LAMB3: variants seen among roughly 807,000 people sequenced by gnomAD.
The protein encoded by LAMB3 is laminin subunit beta 3.
In LAMB3, 104 loss-of-function variants were observed where a neutral mutation model predicts 140.3. The ratio of observed to expected loss-of-function variants is 0.74; its 90% confidence interval spans 0.63 to 0.87. The LOEUF (loss-of-function observed/expected upper bound fraction) is 0.87. Among genes scored for constraint, LAMB3 ranks in the 40% least tolerant of loss-of-function variants. LAMB3 has a pLI of 0.00. For missense variants in LAMB3, 1,531 were observed against 1,575.2 expected (o/e 0.97, Z 0.47); for synonymous variants, 592 against 602.9 (o/e 0.98, Z 0.26).
intron 14 of LAMB3, among the ~76,000 whole-genome samples, chr1:209,624,897 A>AGGAAGGAG (rs1666365115): frequency 1.4e-5 from 2 of 143,104 alleles, no homozygotes; most frequent in South Asian, 2.4e-4. Flanking sequence ...GAAGGAAGGA[A>AGGAAGGAG]GGAAGGAAGG....
At chr1:209,647,088 G>T (rs935041861) in intron 3 of LAMB3, among the ~76,000 whole-genome samples, 5 of 152,268 alleles carry the variant, frequency 3.3e-5, no homozygotes, top group African/African-American at 1.2e-4. Flanking sequence ...CAAAGCAGAT[G>T]AGCCCAGAAG....
intron 17 of LAMB3, 72 bp downstream of exon 17, chr1:209,622,910 T>A: frequency 6.4e-7 from 1 of 1,558,394 alleles, no homozygotes; most frequent in Non-Finnish European, 8.8e-7. Flanking sequence ...AAATGGGAAC[T>A]CTGACTTGCC....
chr1:209,637,979 C>G lies in LAMB3; in HGVS notation c.301G>C (p.Val101Leu). The change falls in exon 5 of 23, where the codon GTG becomes CTG. Residue 101 changes from valine to leucine, a missense_variant and splice_region_variant. Transcript: ENST00000356082. ...PMRWWQSQNDVNPVSLQLDLD... is the reference protein window; with the variant it reads ...PMRWWQSQNDLNPVSLQLDLD... Reference sequence around the variant, plus strand: ...TCCAGCTGCAGAGAGACAGGGTTCACATCTGGAAGGACAAAAAATAGAAAC... The same window carrying G: ...TCCAGCTGCAGAGAGACAGGGTTCAGATCTGGAAGGACAAAAAATAGAAAC... 1.2e-6 allele frequency: 2 copies of G among 1,612,372 alleles called. No individual in the cohort carries two copies. Among genetic ancestry groups the G allele is most frequent in the Non-Finnish European group, 1.7e-6 (2 of 1,179,196 alleles).
At chr1:209,617,870 T>C in intron 20 of LAMB3, 37 bp downstream of exon 20, 1 of 1,613,788 alleles carries the variant, frequency 6.2e-7, no homozygotes, top group Non-Finnish European at 8.5e-7. Context: ...TTCCTGTTTA[T>C]GCCCAAATAT....
intron 19 of LAMB3, 73 bp from the exon 20 acceptor site, chr1:209,618,121 C>T: frequency 2.5e-6 from 4 of 1,577,088 alleles, no homozygotes; most frequent in Non-Finnish European, 3.5e-6. Context: ...GTTCGACTCA[C>T]ACACCAGTCC....
At position 209,618,534 on chromosome 1, in the gene LAMB3, G is replaced by C. The variant is rs146443318; in HGVS notation, c.2827C>G (p.Pro943Ala). ...NEIQAIAARL[P>A]NVDLVLSQTK... ...TGGGACAGCACCAAGTCCACGTTGG[G>C]GAGCCTGGCTGCAATGGCCTGGATC... The change falls in exon 19 of 23, where the codon CCC (proline) becomes GCC (alanine). Residue 943 changes from proline (P) to alanine (A), a missense_variant. Transcript: ENST00000356082. 1 of 1,614,130 alleles carries C rather than the reference G, an allele frequency of 6.2e-7. No homozygotes were observed. Among genetic ancestry groups the C allele is most frequent in the Non-Finnish European group, 8.5e-7 (1 of 1,180,064 alleles).
In LAMB3 at chr1:209,628,059, A is replaced by T. The variant is rs776493641; in HGVS notation, c.1264T>A (p.Tyr422Asn). ...LCKPGFTGLT[Y>N]ANPQGCHRCD... The stretch of plus-strand genomic sequence containing the variant: ...CGGTGGCAGCCCTGCGGGTTGGCGT[A>T]GGTGAGTCCAGTGAAGCCCGGCTTG... Residue 422 changes from tyrosine (Y) to asparagine (N), a missense_variant, in exon 11 of 23, where the codon TAC (tyrosine) becomes AAC (asparagine). Physicochemically the swap from Tyr to Asn is moderately radical, Grantham distance 143. Coordinates refer to ENST00000356082, the MANE Select transcript of LAMB3 (RefSeq NM_000228.3). 3.7e-6 allele frequency: 6 copies of T among 1,606,932 alleles called. No individual in the cohort carries two copies. In the African/African-American group the frequency reaches 5.3e-5, roughly 14 times the overall value.
At chr1:209,617,822 G>A (rs1204675561) in intron 20 of LAMB3, 85 bp downstream of exon 20, 6 of 1,549,592 alleles carry the variant, frequency 3.9e-6, no homozygotes, top group Non-Finnish European at 5.3e-6. Flanking sequence ...GTTTTATCTA[G>A]TCACTTTCTG....
intron 5 of LAMB3, 70 bp from the exon 6 acceptor site, chr1:209,634,708 G>C (rs553430247): frequency 1.5e-6 from 2 of 1,299,530 alleles, no homozygotes; most frequent in African/African-American, 1.4e-5. Flanking sequence ...CAAGCAGAGA[G>C]ACAGGCTCCT....
At chr1:209,633,043 A>G (rs757277961) in intron 7 of LAMB3, 27 bp downstream of exon 7, 1 of 1,537,320 alleles carries the variant, frequency 6.5e-7, no homozygotes, top group Admixed American at 1.7e-5. Context: ...CCATAGTTCC[A>G]TGGACAAGAG....
intron 3 of LAMB3, among the ~76,000 whole-genome samples, chr1:209,645,451 T>A (rs2076508014): frequency 6.6e-6 from 1 of 152,134 alleles, no homozygotes; most frequent in Non-Finnish European, 1.5e-5. Flanking sequence ...GGGGAGTGGC[T>A]CACACCTGTA....
At position 209,623,834 on chromosome 1, in the gene LAMB3, C is replaced by T; in HGVS notation, c.2137+6G>A. ...CCCGGGGTTATCCGGGTGCCCCTCT[C>T]CTCACCTGAAGGATCAGCACTGCTT... On this transcript the variant is annotated splice_donor_region_variant and intron_variant, in intron 15 of 22. Transcript: ENST00000356082. This position sits in a 1 kb window ranked among gnomAD's most constrained non-coding sequence, Gnocchi z 4.2. The T allele has an allele frequency of 1.9e-6, 3 of 1,614,220 alleles. No individual in the cohort carries two copies. In the South Asian group the frequency reaches 3.3e-5, roughly 18 times the overall value.
intron 3 of LAMB3, among the ~76,000 whole-genome samples, chr1:209,645,722 G>GAGAAA (rs1553280566): frequency 4.4e-5 from 6 of 137,422 alleles, no homozygotes; most frequent in Admixed American, 7.2e-5. Flanking sequence ...TGTCCCAGGG[G>GAGAAA]AAAAAAAAAA....
intron 1 of LAMB3, 84 bp from the exon 2 acceptor site, chr1:209,651,065 A>C (rs17015004): frequency 2.1e-6 from 2 of 937,430 alleles, no homozygotes; most frequent in African/African-American, 1.6e-5. Flanking sequence ...TTCTAGACTC[A>C]AGTATTTTTC....
intron 3 of LAMB3, among the ~76,000 whole-genome samples, chr1:209,647,226 A>G (rs1027764794): frequency 6.6e-6 from 1 of 152,272 alleles, no homozygotes; most frequent in African/African-American, 2.4e-5. Context: ...GGATTCAGCA[A>G]CTGAGACAGA....
chr1:209,645,795 C>A (rs1236764395), intron 3 of LAMB3, among the ~76,000 whole-genome samples: 1 of 151,238 alleles, frequency 6.6e-6, no homozygotes. Flanking sequence ...GTACAGGGAT[C>A]ATAGTACATA....
At chr1:209,633,043 A>C in intron 7 of LAMB3, 27 bp downstream of exon 7, 2 of 1,537,320 alleles carry the variant, frequency 1.3e-6, no homozygotes, top group Non-Finnish European at 1.8e-6. Flanking sequence ...CCATAGTTCC[A>C]TGGACAAGAG....
rs766656252 is a variant in LAMB3, at chr1:209,615,269, C to T, written c.*2G>A. 1 of 1,614,126 alleles carries T rather than the reference C, an allele frequency of 6.2e-7. No homozygotes were observed. The highest frequency in any genetic ancestry group is 8.5e-7 in the Non-Finnish European group (1 of 1,180,026). Reference sequence around the variant, plus strand: ...TGGGGCAACGGGCTGGAAGCTGTAGCATCACTTGCAGGTGGCATAGTAGAG... The same window carrying T: ...TGGGGCAACGGGCTGGAAGCTGTAGTATCACTTGCAGGTGGCATAGTAGAG... On this transcript the variant is annotated 3_prime_UTR_variant, in exon 23 of 23. Coordinates refer to ENST00000356082, the MANE Select transcript of LAMB3 (RefSeq NM_000228.3).
chr1:209,619,449 G>A (rs563462341), intron 18 of LAMB3, among the ~76,000 whole-genome samples: 1 of 152,192 alleles, frequency 6.6e-6, no homozygotes, highest in Non-Finnish European at 1.5e-5. Flanking sequence ...AGGGCTTCAG[G>A]TTCAGATCTC....
Sources: allele counts gnomAD v4.1 joint callset (sites outside exome capture counted in the v4.1 genomes callset), GRCh38; gene constraint gnomAD v4.1.1; non-coding constraint Gnocchi (gnomAD v3.1); transcripts MANE v1.5; gene names NCBI Gene and HGNC (gene_info 2026-07-23, HGNC 2026-07-21).